Variants in AURKB observed in about 807,000 individuals in gnomAD.
AURKB encodes aurora kinase B.
In AURKB, 28 loss-of-function variants were observed where a neutral mutation model predicts 36.5. The ratio of observed to expected loss-of-function variants is 0.77; its 90% CI spans 0.57 to 1.05. AURKB has a LOEUF of 1.05. AURKB is among the 50% of genes least tolerant of loss of function. AURKB has a pLI of 0.00. For missense variants in AURKB, 383 were observed against 447.4 expected, an observed-to-expected ratio of 0.86 and a Z score of 1.30; for synonymous variants, 175 against 172.9, an observed-to-expected ratio of 1.01 and a Z score of -0.09.
intron 2 of AURKB, among the ~76,000 whole-genome samples, chr17:8,209,302 A>T (rs995173762): frequency 3.9e-5 from 6 of 152,190 alleles, no homozygotes; most frequent in Non-Finnish European, 8.8e-5. Context: ...TGAGCCACCT[A>T]CCTGGCCTCA....
chr17:8,206,714 C>G lies in AURKB; in HGVS notation c.537+36G>C. 3.1e-6 allele frequency: 5 copies of G among 1,612,612 alleles called. No homozygotes were observed. The highest frequency in any genetic ancestry group is 1.3e-5 in the African/African-American group (1 of 75,024). On this transcript the variant is annotated intron_variant, in intron 6 of 8. Transcript: ENST00000585124. The surrounding 1 kb of genome is among the most constrained non-coding windows in gnomAD (Gnocchi z 4.2). Reference sequence around the variant, plus strand: ...AAGCAGCACACCCTCAGCCTCGAGCCCCCTACTGGCGCCCCAGGTGCCCAC... The same window carrying G: ...AAGCAGCACACCCTCAGCCTCGAGCGCCCTACTGGCGCCCCAGGTGCCCAC...
At chr17:8,210,019 A>G (rs7221670) in intron 2 of AURKB, 158 bp downstream of exon 2, 8 of 941,826 alleles carry the variant, frequency 8.5e-6, no homozygotes, top group African/African-American at 1.6e-5. Flanking sequence ...GCTACAAATG[A>G]CCAGAGCGGG....
At chr17:8,205,491 A>AG in intron 7 of AURKB, 101 bp from the exon 8 acceptor site, 1 of 1,454,036 alleles carries the variant, frequency 6.9e-7, no homozygotes, top group Non-Finnish European at 9.3e-7. Flanking sequence ...GGGATGTACC[A>AG]GGGGAGAGGT....
chr17:8,204,879 C>T lies in AURKB; in HGVS notation c.1027G>A (p.Val343Ile). Residue 343 changes from valine to isoleucine, a missense_variant, in exon 9 of 9, where the codon GTC becomes ATC. Val to Ile is a conservative substitution (Grantham distance 29). Transcript: ENST00000585124. ...RVLPPSALQS[V>I]A is the part of the protein sequence containing the mutation. The stretch of plus-strand genomic sequence containing the variant: ...GTGAATGACAGGGACCATCAGGCGA[C>T]AGATTGAAGGGCAGAGGGAGGCAGC... The T allele has an allele frequency of 4.3e-6, 7 of 1,611,476 alleles. No homozygotes were observed. The highest frequency in any genetic ancestry group is 5.9e-6 in the Non-Finnish European group (7 of 1,179,362).
At position 8,204,790 on chromosome 17, in the gene AURKB, G is replaced by A; in HGVS notation, c.*81C>T. The A allele has an allele frequency of 6.5e-7, 1 of 1,549,066 alleles. No individual in the cohort carries two copies. On this transcript the variant is annotated 3_prime_UTR_variant, in exon 9 of 9. Transcript: ENST00000585124. ...AAAGGAGGAGGTAGAAAACAGATAA[G>A]GGAACAGTTAGGGATCCCTTCTTTC...
rs571118262 is a variant in AURKB at position 8,206,433 on chromosome 17, T to C, written c.686+58A>G. On this transcript the variant is annotated intron_variant, in intron 7 of 8. Coordinates refer to ENST00000585124, the MANE Select transcript of AURKB (RefSeq NM_004217.4). The surrounding 1 kb of genome is among the most constrained non-coding windows in gnomAD (Gnocchi z 4.2). ...GGTGTGAGCCACGGTGCACGGCCCCTGGAGAGGTTTTAATGGCCCAGCCTC... is the reference window on the plus strand; with the variant it reads ...GGTGTGAGCCACGGTGCACGGCCCCCGGAGAGGTTTTAATGGCCCAGCCTC... 24 of 1,606,538 alleles carry C rather than the reference T, an allele frequency of 1.5e-5. No homozygotes were observed. In the African/African-American group the frequency reaches 2.4e-4, roughly 16 times the overall value.
chr17:8,210,185 G>A lies in AURKB; in HGVS notation c.40C>T (p.Arg14Ter). The A allele has an allele frequency of 2.5e-6, 4 of 1,612,332 alleles. No individual in the cohort carries two copies. The South Asian group carries it at 3.3e-5, about 13-fold the overall frequency. Reference sequence around the variant, plus strand: ...GGAGGGAAGGGCCTTACCGTCTGTCGGCCGTAGGGCCAGGGGTAGGAGTTC... The same window carrying A: ...GGAGGGAAGGGCCTTACCGTCTGTCAGCCGTAGGGCCAGGGGTAGGAGTTC... ...KENSYPWPYG[R>*]QTAPSGLSTL... is the part of the protein sequence containing the mutation. Residue 14 changes from arginine (R) to a stop codon, truncating the protein, a stop_gained, in exon 2 of 9, where the codon CGA becomes TGA. Transcript: ENST00000585124. LOFTEE classifies it high-confidence loss of function.
chr17:8,207,970 A>G, intron 2 of AURKB, 130 bp from the exon 3 acceptor site: 1 of 692,810 alleles, frequency 1.4e-6, no homozygotes, highest in Non-Finnish European at 2.4e-6. Flanking sequence ...AAAGAGAAAC[A>G]CTGATGTGAC....
At chr17:8,209,769 T>G (rs955145219) in intron 2 of AURKB, among the ~76,000 whole-genome samples, 7 of 152,246 alleles carry the variant, frequency 4.6e-5, no homozygotes, top group Non-Finnish European at 8.8e-5. Flanking sequence ...AATTCCAAAT[T>G]GTAATTTAGA....
At chr17:8,205,742 A>G (rs1985172687) in intron 7 of AURKB, among the ~76,000 whole-genome samples, 1 of 152,076 alleles carries the variant, frequency 6.6e-6, no homozygotes, top group South Asian at 2.1e-4. Context: ...TTAAAAAGTG[A>G]TGTGGGAGGA....
At chr17:8,210,307 GGTT>G in intron 1 of AURKB, 58 bp from the exon 2 acceptor site, 1 of 1,216,382 alleles carries the variant, frequency 8.2e-7, no homozygotes. Flanking sequence ...GAGAGGGAGG[GGTT>G]GGACCGATCG....
At position 8,207,810 on chromosome 17, in the gene AURKB, G is replaced by C. The variant is rs924562298; in HGVS notation, c.79C>G (p.Arg27Gly). ...APSGLSTLPQ[R>G]VLRKEPVTPS... ...GTGACAGGCTCTTTCCGGAGGACTC[G>C]CTGGGGCAGGGTGCTCAGGCCAGAT... The change falls in exon 3 of 9, where the codon CGA (arginine) becomes GGA (glycine). Residue 27 changes from arginine to glycine, a missense_variant. Transcript: ENST00000585124. 2 of 1,613,748 alleles carry C rather than the reference G, an allele frequency of 1.2e-6. No homozygotes were observed. The highest frequency in any genetic ancestry group is 1.7e-6 in the Non-Finnish European group (2 of 1,179,930).
At position 8,206,520 on chromosome 17, in the gene AURKB, G is replaced by A. The variant is rs144914993; in HGVS notation, c.657C>T (p.Phe219=). The A allele has an allele frequency of 1.5e-4, 239 of 1,614,052 alleles. No homozygotes were observed. Among genetic ancestry groups the A allele is most frequent in the Non-Finnish European group, 1.8e-4 (218 of 1,180,038 alleles). The stretch of plus-strand genomic sequence containing the variant: ...GGGAGGGCGCATGCACAGACCAGCC[G>A]AAGTCAGCAATCTTCAGCTCTCCCT... ...GLKGELKIAD[F]GWSVHAPSLR... Residue 219 remains phenylalanine (F), a synonymous_variant, in exon 7 of 9, where the codon TTC becomes TTT. Coordinates refer to ENST00000585124, the MANE Select transcript of AURKB (RefSeq NM_004217.4). This position sits in a 1 kb window ranked among gnomAD's most constrained non-coding sequence, Gnocchi z 4.2.
intron 2 of AURKB, chr17:8,208,116 A>G: frequency 3.6e-6 from 1 of 278,620 alleles, no homozygotes; most frequent in Non-Finnish European, 6.8e-6. Flanking sequence ...CGCCATCTCT[A>G]CTAAAAATAT....
chr17:8,210,143 C>A (rs1318264277), intron 2 of AURKB, 34 bp downstream of exon 2: 2 of 1,612,008 alleles, frequency 1.2e-6, no homozygotes, highest in East Asian at 2.2e-5. Context: ...CATGCGGGGT[C>A]ATGGGGGCGC....
At chr17:8,207,978 G>A in intron 2 of AURKB, 138 bp from the exon 3 acceptor site, 1 of 676,324 alleles carries the variant, frequency 1.5e-6, no homozygotes, top group East Asian at 2.8e-5. Flanking sequence ...ACACTGATGT[G>A]ACAGTTTTGC....
rs367570464 is a variant in AURKB at position 8,210,160 on chromosome 17, G to A, written c.48+17C>T. 1.4e-4 allele frequency: 229 copies of A among 1,612,814 alleles called. No individual in the cohort carries two copies. In the African/African-American group the frequency reaches 2.5e-3, roughly 18 times the overall value. On this transcript the variant is annotated intron_variant, in intron 2 of 8. Transcript: ENST00000585124. ...TGCGGGGTCATGGGGGCGCAGGGAC[G>A]GAGGGAAGGGCCTTACCGTCTGTCG...
Position 8,209,855 on chromosome 17 carries a change from T to C in AURKB, c.48+322A>G, listed in dbSNP as rs1446382100. ...TCTATTTGCTGTCTAGTTTTTTTTT[T>C]TTCAGGATATGGATTGGGAATCATG... On this transcript the variant is annotated intron_variant, in intron 2 of 8. Coordinates refer to ENST00000585124, the MANE Select transcript of AURKB (RefSeq NM_004217.4). 26 of 422,482 alleles carry C rather than the reference T, an allele frequency of 6.2e-5. No individual in the cohort carries two copies. In the Admixed American group the frequency reaches 6.8e-4, roughly 11 times the overall value. The allele number at this position is 422,482 out of a possible 1,614,324, so 26.2% of individuals were successfully genotyped here.
Position 8,206,557 on chromosome 17 carries a change from A to G in AURKB, c.620T>C (p.Leu207Pro). The change falls in exon 7 of 9, where the codon CTC (leucine) becomes CCC (proline). Residue 207 changes from leucine (L) to proline (P), a missense_variant. By Grantham distance (98) the Leu-to-Pro change is moderately conservative. This residue lies in a region of AURKB where 219 missense variants were observed against 252.6 expected (regional missense o/e 0.87). Transcript: ENST00000585124. The surrounding 1 kb of genome is among the most constrained non-coding windows in gnomAD (Gnocchi z 4.2). ...IHRDIKPENL[L>P]LGLKGELKIA... is the part of the protein sequence containing the mutation. ...CTTCAGCTCTCCCTTGAGCCCTAAG[A>G]GCAGATTTTCTGGCTTTATGTCTCT... 6.2e-7 allele frequency: 1 copy of G among 1,614,164 alleles called. No homozygotes were observed. The highest frequency in any genetic ancestry group is 8.5e-7 in the Non-Finnish European group (1 of 1,180,030).
Sources: allele counts gnomAD v4.1 joint callset (sites outside exome capture counted in the v4.1 genomes callset), GRCh38; gene constraint gnomAD v4.1.1; regional missense constraint gnomAD v4.1.1; non-coding constraint Gnocchi (gnomAD v3.1); transcripts MANE v1.5; gene names NCBI Gene and HGNC (gene_info 2026-07-23, HGNC 2026-07-21).